Variants in SH3BP2 observed in about 807,000 individuals in gnomAD.
The protein encoded by SH3BP2 is SH3 domain-binding protein 2.
In SH3BP2, 38 loss-of-function variants were observed where a neutral mutation model predicts 56.2. The ratio of observed to expected loss-of-function variants is 0.68; its 90% CI spans 0.52 to 0.89. The LOEUF (loss-of-function observed/expected upper bound fraction) is 0.89. Among genes scored for constraint, SH3BP2 ranks in the 40% least tolerant of loss-of-function variants. The probability of loss-of-function intolerance (pLI) is 0.00; values close to 1 mark genes in which losing one functional copy is unlikely to be tolerated. For missense variants in SH3BP2, 748 were observed against 762.6 expected (o/e 0.98, Z 0.23); for synonymous variants, 346 against 316.7 (o/e 1.09, Z -0.98).
chr4:2,806,347 G>T (rs1022362587), intron 1 of SH3BP2, among the ~76,000 whole-genome samples: 2 of 152,176 alleles, frequency 1.3e-5, no homozygotes, highest in Non-Finnish European at 2.9e-5. Context: ...GAGGAGGTGG[G>T]CCCCAGCCTT....
intron 1 of SH3BP2, among the ~76,000 whole-genome samples, chr4:2,816,111 A>G (rs1255513645): frequency 6.6e-6 from 1 of 151,882 alleles, no homozygotes; most frequent in Non-Finnish European, 1.5e-5. Flanking sequence ...CTGGAGTGCA[A>G]TGGCGCAATC....
chr4:2,827,780 T>G, intron 7 of SH3BP2, 106 bp downstream of exon 7: 1 of 947,644 alleles, frequency 1.1e-6, no homozygotes, highest in South Asian at 1.4e-5. Context: ...CAGGTACCGC[T>G]CTGGGTGGCT....
chr4:2,827,528 C>G, intron 6 of SH3BP2, 78 bp from the exon 7 acceptor site: 3 of 1,454,994 alleles, frequency 2.1e-6, no homozygotes, highest in Non-Finnish European at 2.8e-6. Flanking sequence ...CTCCTGGACT[C>G]AGCCCCATGC....
Position 2,805,205 on chromosome 4 carries a change from T to G in SH3BP2, c.-5+12067T>G, listed in dbSNP as rs189318503. The stretch of plus-strand genomic sequence containing the variant: ...AGATTTCCTACCTAAGCACACCCCC[T>G]GGGCCCGGAGGGTCAGCAGCCAGGC... On this transcript the variant is annotated intron_variant, in intron 1 of 12. Transcript: ENST00000503393. 3.9e-5 allele frequency among the ~76,000 whole-genome samples: 6 copies of G among 152,308 alleles called. No individual in the cohort carries two copies. The East Asian group carries it at 1.2e-3, about 29-fold the overall frequency.
chr4:2,829,539 G>A lies in SH3BP2; in HGVS notation c.633G>A (p.Thr211=), dbSNP rs201465814. The A allele has an allele frequency of 2.5e-5, 41 of 1,613,042 alleles. No individual in the cohort carries two copies. Among genetic ancestry groups the A allele is most frequent in the Admixed American group, 6.7e-5 (4 of 59,960 alleles). The change falls in exon 8 of 13, where the codon ACG becomes ACA. Residue 211 remains threonine, a synonymous_variant. Transcript: ENST00000503393. The surrounding 1 kb of genome is among the most constrained non-coding windows in gnomAD (Gnocchi z 4.9). The part of the protein sequence containing the change: ...PPAYPPPPVP[T]PRKPAFSDMP... ...CTTACCCACCACCCCCAGTGCCCAC[G>A]CCCAGGAAGCCAGCCTTCTCTGACA... is the stretch of plus-strand genomic sequence containing the variant.
At chr4:2,811,860 G>A (rs1723762601) in intron 1 of SH3BP2, 1 of 178,184 alleles carries the variant, frequency 5.6e-6, no homozygotes, top group Non-Finnish European at 1.2e-5. Flanking sequence ...AGATGGCAGA[G>A]CAGGGTGGCA....
Position 2,810,409 on chromosome 4 carries a change from C to T in SH3BP2, c.-4-10205C>T, listed in dbSNP as rs376166357. Among the ~76,000 whole-genome samples the T allele has an allele frequency of 2.0e-5, 3 of 151,398 alleles. No homozygotes were observed. The East Asian group carries it at 5.9e-4, about 30-fold the overall frequency. On this transcript the variant is annotated intron_variant, in intron 1 of 12. Transcript: ENST00000503393. This position sits in a 1 kb window ranked among gnomAD's most constrained non-coding sequence, Gnocchi z 4.2. ...GTCTTCTGCTTGCTTCTGCCTCTGC[C>T]GAGTCTATGAGTGTGGGGCTTTTGG... is the stretch of plus-strand genomic sequence containing the variant.
At chr4:2,832,269 G>A (rs1184043413) in intron 10 of SH3BP2, 62 bp from the exon 11 acceptor site, 4 of 1,378,186 alleles carry the variant, frequency 2.9e-6, no homozygotes, top group African/African-American at 2.8e-5. Flanking sequence ...AGCGGGGCGG[G>A]AAGGTCCGTG....
At chr4:2,812,111 A>C in intron 1 of SH3BP2, 1 of 1,246,814 alleles carries the variant, frequency 8.0e-7, no homozygotes, top group Non-Finnish European at 1.1e-6. Flanking sequence ...ATGGGAGGGC[A>C]GGAGCAGTGG....
At chr4:2,812,722 A>AC (rs948946866) in intron 1 of SH3BP2, among the ~76,000 whole-genome samples, 210 of 130,758 alleles carry the variant, frequency 1.6e-3, no homozygotes, top group Non-Finnish European at 2.5e-3. Context: ...GATACTTAGA[A>AC]CCCCCCCCAC....
rs115586942 is a variant in SH3BP2, at chr4:2,824,249, C to T, written c.240-364C>T. On this transcript the variant is annotated intron_variant, in intron 3 of 12. Coordinates refer to ENST00000503393, the MANE Select transcript of SH3BP2 (RefSeq NM_001122681.2). ...GGGCTGCTGCTGGGCCTCAGGGGCA[C>T]GGAGCCCTGTGGGGTACCCCAGGGA... Among the ~76,000 whole-genome samples, 813 of 152,284 alleles carry T rather than the reference C, an allele frequency of 5.3e-3. 4 individuals are homozygous for T. Among genetic ancestry groups the T allele is most frequent in the Non-Finnish European group, 8.8e-3 (601 of 68,018 alleles).
chr4:2,831,155 A>G lies in SH3BP2; in HGVS notation c.1242-416A>G, dbSNP rs1724964045. Reference sequence around the variant, plus strand: ...CGGCTAGCCACACAGGGAGGCGTGCAGGGACGCCATGGGCGTCCTTTGGGG... The same window carrying G: ...CGGCTAGCCACACAGGGAGGCGTGCGGGGACGCCATGGGCGTCCTTTGGGG... On this transcript the variant is annotated intron_variant, in intron 8 of 12. Transcript: ENST00000503393. This position sits in a 1 kb window ranked among gnomAD's most constrained non-coding sequence, Gnocchi z 4.1. Among the ~76,000 whole-genome samples, 1 of 152,234 alleles carries G rather than the reference A, an allele frequency of 6.6e-6. No homozygotes were observed. Among genetic ancestry groups the G allele is most frequent in the Non-Finnish European group, 1.5e-5 (1 of 68,046 alleles).
chr4:2,818,410 C>A (rs1439893468), intron 1 of SH3BP2: 2 of 1,158,646 alleles, frequency 1.7e-6, no homozygotes, highest in Non-Finnish European at 2.1e-6. Context: ...GAGCCCCGGC[C>A]CCCGAGCCCC....
chr4:2,820,544 C>T (rs1183107673), intron 1 of SH3BP2, 70 bp from the exon 2 acceptor site: 23 of 1,599,316 alleles, frequency 1.4e-5, no homozygotes, highest in Non-Finnish European at 2.0e-5. Context: ...CAGTGTCCCC[C>T]TGAGCGCCCT....
chr4:2,827,761 A>G, intron 7 of SH3BP2, 87 bp downstream of exon 7: 1 of 1,155,662 alleles, frequency 8.7e-7, no homozygotes, highest in South Asian at 1.3e-5. Context: ...GAGGCTGGGG[A>G]TGCTGGCCCA....
chr4:2,824,518 G>T, intron 3 of SH3BP2, 95 bp from the exon 4 acceptor site: 1 of 913,442 alleles, frequency 1.1e-6, no homozygotes, highest in Non-Finnish European at 1.8e-6. Flanking sequence ...TTGGGGCGTG[G>T]TGCTGGTGCC....
rs1685607072 is a variant in SH3BP2, at chr4:2,838,543, T to A, written c.*4709T>A. 6.6e-6 allele frequency: 1 copy of A among 152,240 alleles called. No homozygotes were observed. Among genetic ancestry groups the A allele is most frequent in the African/African-American group, 2.4e-5 (1 of 41,464 alleles). 9.4% of individuals were successfully genotyped at this position (152,240 alleles called of 1,614,324 possible). On this transcript the variant is annotated 3_prime_UTR_variant, in exon 13 of 13. Transcript: ENST00000503393. ...GTTCACAGATTCATTTCACTGTCAG[T>A]CAAGCTTGTCCAATGCATGCAGCCC... is the stretch of plus-strand genomic sequence containing the variant.
At chr4:2,814,188 GT>G (rs1723889513) in intron 1 of SH3BP2, among the ~76,000 whole-genome samples, 1 of 152,384 alleles carries the variant, frequency 6.6e-6, no homozygotes, top group East Asian at 1.9e-4. Flanking sequence ...TGCACCACCT[GT>G]GACATTAACT....
rs1725339991 is a variant in SH3BP2 at position 2,839,288 on chromosome 4, C to T, written c.*5454C>T. 1 of 151,660 alleles carries T rather than the reference C, an allele frequency of 6.6e-6. No individual in the cohort carries two copies. The highest frequency in any genetic ancestry group is 2.1e-4 in the South Asian group (1 of 4,804). 9.4% of individuals were successfully genotyped at this position (151,660 alleles called of 1,614,324 possible). On this transcript the variant is annotated 3_prime_UTR_variant, in exon 13 of 13. Coordinates refer to ENST00000503393, the MANE Select transcript of SH3BP2 (RefSeq NM_001122681.2). ...GGCTCAGGTGATTCTCTCACCTCAG[C>T]CTCCCAAGTAGCTGGGACCACAGGC...
Sources: gnomAD v4.1 joint callset for allele counts (sites outside exome capture counted in the v4.1 genomes callset) on GRCh38, gnomAD v4.1.1 for gene constraint, Gnocchi (gnomAD v3.1) non-coding constraint, MANE v1.5 for transcripts, NCBI Gene and HGNC (gene_info 2026-07-23, HGNC 2026-07-21) for gene names.